IQCJ: variants seen among roughly 807,000 people sequenced by gnomAD.
IQCJ encodes IQ domain-containing protein J.
A neutral mutation model predicts 11.0 loss-of-function variants in IQCJ; 9 were observed. That is an observed-to-expected ratio of 0.82 (90% CI 0.49 to 1.43). The LOEUF (loss-of-function observed/expected upper bound fraction) is 1.43. Ranked by LOEUF, IQCJ falls within the 40% of genes most tolerant of loss-of-function variation. The pLI, the probability that IQCJ is intolerant of heterozygous loss-of-function variation, is 0.00. For missense variants in IQCJ, 146 were observed against 133.2 expected (o/e 1.10, Z -0.47); for synonymous variants, 55 against 51.3 (o/e 1.07, Z -0.31).
intron 1 of IQCJ, chr3:159,069,884 T>TGC (rs1715445754): frequency 3.3e-6 from 1 of 305,716 alleles, no homozygotes; most frequent in Admixed American, 3.5e-5. Flanking sequence ...TGTGTGTGTG[T>TGC]GTGCGTGTGT....
intron 1 of IQCJ, among the ~76,000 whole-genome samples, chr3:159,088,709 C>A (rs57171873): frequency 0.018 from 2,709 of 151,774 alleles, 76 homozygotes; most frequent in African/African-American, 0.062. Flanking sequence ...TTGTTGGTTT[C>A]AAGTCTGTTT....
rs376811074 is a variant in IQCJ at position 159,162,574 on chromosome 3, T to C, written c.10-83269T>C. Among the ~76,000 whole-genome samples, 9 of 152,134 alleles carry C rather than the reference T, an allele frequency of 5.9e-5. 1 individual carries two copies. The highest frequency in any genetic ancestry group is 5.8e-4 in the East Asian group (3 of 5,190). On this transcript the variant is annotated intron_variant, in intron 1 of 3. Coordinates refer to ENST00000397832, the MANE Select transcript of IQCJ (RefSeq NM_001042706.3). ...GCAGCACTTCCAACACTATGTTGAA[T>C]AGGAGTGGTGAGAGAGATAGAGACA... is the stretch of plus-strand genomic sequence containing the variant.
intron 1 of IQCJ, among the ~76,000 whole-genome samples, chr3:159,189,119 G>A (rs1197281788): frequency 1.3e-5 from 2 of 152,158 alleles, no homozygotes; most frequent in Non-Finnish European, 2.9e-5. Context: ...TGACATGATA[G>A]AGAGTAGGAT....
chr3:159,163,247 TG>T (rs1320966114), intron 1 of IQCJ, among the ~76,000 whole-genome samples: 2 of 152,336 alleles, frequency 1.3e-5, no homozygotes, highest in Non-Finnish European at 1.5e-5. Flanking sequence ...GCTTCAGCCC[TG>T]GGATGCAAGC....
chr3:159,209,702 A>G (rs1033548686), intron 1 of IQCJ, among the ~76,000 whole-genome samples: 2 of 151,926 alleles, frequency 1.3e-5, no homozygotes, highest in African/African-American at 4.8e-5. Context: ...GCACCCACTC[A>G]CCTGCATGCT....
At chr3:159,195,516 C>A in intron 1 of IQCJ, among the ~76,000 whole-genome samples, 1 of 152,168 alleles carries the variant, frequency 6.6e-6, no homozygotes, top group Non-Finnish European at 1.5e-5. Flanking sequence ...TCTGGAGTTC[C>A]AAGAGTTTCA....
intron 1 of IQCJ, among the ~76,000 whole-genome samples, chr3:159,115,722 T>G (rs1378452019): frequency 1.3e-5 from 2 of 152,184 alleles, no homozygotes; most frequent in African/African-American, 4.8e-5. Flanking sequence ...AAGAGGTAAT[T>G]TTAGTCTGGG....
intron 1 of IQCJ, among the ~76,000 whole-genome samples, chr3:159,206,968 A>G (rs566859746): frequency 6.6e-5 from 10 of 152,316 alleles, no homozygotes; most frequent in Admixed American, 6.5e-4. Flanking sequence ...TATCACTTCC[A>G]AATTTCTTGA....
intron 1 of IQCJ, among the ~76,000 whole-genome samples, chr3:159,071,769 C>A (rs1213946748): frequency 6.6e-6 from 1 of 151,998 alleles, no homozygotes; most frequent in African/African-American, 2.4e-5. Flanking sequence ...AGTATGACCT[C>A]CTACTGGCTT....
At chr3:159,164,478 G>A (rs971843473) in intron 1 of IQCJ, among the ~76,000 whole-genome samples, 2 of 152,116 alleles carry the variant, frequency 1.3e-5, no homozygotes, top group African/African-American at 2.4e-5. Context: ...TTAGAATTAG[G>A]TTCAGCTCTC....
chr3:159,177,128 A>G (rs1174084402), intron 1 of IQCJ, among the ~76,000 whole-genome samples: 2 of 152,214 alleles, frequency 1.3e-5, no homozygotes, highest in Non-Finnish European at 2.9e-5. Context: ...ATCCACATCC[A>G]AGTTTCTTTT....
intron 1 of IQCJ, among the ~76,000 whole-genome samples, chr3:159,107,069 C>T (rs917247696): frequency 2.6e-5 from 4 of 152,068 alleles, no homozygotes; most frequent in Admixed American, 6.6e-5. Context: ...TATTCATATT[C>T]AAAGTGTCCT....
intron 1 of IQCJ, among the ~76,000 whole-genome samples, chr3:159,231,492 A>G (rs942075248): frequency 6.6e-5 from 10 of 152,092 alleles, no homozygotes; most frequent in African/African-American, 2.4e-4. Flanking sequence ...AAGCTTGTTT[A>G]AGAATCGTTC....
chr3:159,264,231 AG>A (rs1728378525), downstream of IQCJ, among the ~76,000 whole-genome samples: 1 of 152,216 alleles, frequency 6.6e-6, no homozygotes, highest in Non-Finnish European at 1.5e-5. Context: ...GTGTTGCTTT[AG>A]GGTGCTTAAC....
intron 1 of IQCJ, among the ~76,000 whole-genome samples, chr3:159,108,171 A>G (rs1307376813): frequency 1.3e-5 from 2 of 152,178 alleles, no homozygotes; most frequent in African/African-American, 4.8e-5. Context: ...AGAAGCTACC[A>G]CTGTGATTGC....
At chr3:159,244,190 T>C (rs1379878911) in intron 1 of IQCJ, among the ~76,000 whole-genome samples, 1 of 151,530 alleles carries the variant, frequency 6.6e-6, no homozygotes, top group Non-Finnish European at 1.5e-5. Flanking sequence ...AGTAGAAGAG[T>C]GAAGTTTAGA....
At chr3:159,194,427 C>T (rs1723863990) in intron 1 of IQCJ, among the ~76,000 whole-genome samples, 1 of 152,174 alleles carries the variant, frequency 6.6e-6, no homozygotes, top group Non-Finnish European at 1.5e-5. Flanking sequence ...CACCTTGTTT[C>T]TGATGATTCC....
intron 1 of IQCJ, among the ~76,000 whole-genome samples, chr3:159,175,320 A>G (rs920614160): frequency 4.6e-5 from 7 of 152,054 alleles, no homozygotes; most frequent in Admixed American, 4.6e-4. Flanking sequence ...AAGCAAAAGA[A>G]ATTAGTCAGG....
chr3:159,223,416 G>A (rs960637641), intron 1 of IQCJ, among the ~76,000 whole-genome samples: 2 of 152,124 alleles, frequency 1.3e-5, no homozygotes, highest in African/African-American at 4.8e-5. Flanking sequence ...ATAGTCAGTG[G>A]TGGTAGTATT....
Sources: allele counts gnomAD v4.1 joint callset (sites outside exome capture counted in the v4.1 genomes callset), GRCh38; gene constraint gnomAD v4.1.1; transcripts MANE v1.5; gene names NCBI Gene and HGNC (gene_info 2026-07-23, HGNC 2026-07-21).